RLF: variants seen among roughly 807,000 people sequenced by gnomAD.
RLF encodes RLF zinc finger.
A neutral mutation model predicts 162.9 loss-of-function variants in RLF; 7 were observed. The ratio of observed to expected loss-of-function variants is 0.04; its 90% CI spans 0.02 to 0.08. The LOEUF is 0.08. Among genes scored for constraint, RLF ranks in the 10% least tolerant of loss-of-function variants. The pLI is 1.00. For missense variants in RLF, 1,664 were observed against 2,244.7 expected, an observed-to-expected ratio of 0.74 and a Z score of 5.23; for synonymous variants, 782 against 791.5, an observed-to-expected ratio of 0.99 and a Z score of 0.20.
chr1:40,191,888 G>A (rs1015522772), intron 3 of RLF, among the ~76,000 whole-genome samples: 2 of 152,194 alleles, frequency 1.3e-5, no homozygotes, highest in African/African-American at 4.8e-5. Flanking sequence ...GGGGAGACAG[G>A]TGAAGAGAGG....
At chr1:40,190,946 C>G in intron 3 of RLF, 93 bp downstream of exon 3, 1 of 678,232 alleles carries the variant, frequency 1.5e-6, no homozygotes, top group Non-Finnish European at 2.5e-6. Context: ...AGAACAAAAA[C>G]AAGTTTATTA....
chr1:40,233,877 G>C (rs1643184631), intron 7 of RLF, among the ~76,000 whole-genome samples: 1 of 152,174 alleles, frequency 6.6e-6, no homozygotes, highest in Non-Finnish European at 1.5e-5. Context: ...TGGAGTCTCA[G>C]TTTGCAAGGG....
chr1:40,173,894 A>G (rs980990971), intron 1 of RLF, among the ~76,000 whole-genome samples: 1 of 152,236 alleles, frequency 6.6e-6, no homozygotes, highest in Non-Finnish European at 1.5e-5. Flanking sequence ...AATTAGAGCT[A>G]TAGCCTAACC....
chr1:40,224,717 T>G (rs528585804), intron 6 of RLF, among the ~76,000 whole-genome samples: 88 of 137,432 alleles, frequency 6.4e-4, no homozygotes, highest in African/African-American at 2.2e-3. Flanking sequence ...TGGCCAGGCA[T>G]GGCTCATGCC....
intron 1 of RLF, among the ~76,000 whole-genome samples, chr1:40,162,214 T>G (rs1400112380): frequency 1.3e-5 from 2 of 151,972 alleles, no homozygotes; most frequent in Non-Finnish European, 2.9e-5. Context: ...AAGCCGTTCT[T>G]TCGTCTTTTC....
chr1:40,217,947 G>GA (rs1642946729), intron 5 of RLF, among the ~76,000 whole-genome samples: 1 of 152,014 alleles, frequency 6.6e-6, no homozygotes, highest in Non-Finnish European at 1.5e-5. Context: ...CATAATACTG[G>GA]AAAAAAATTC....
rs1642083867 is a variant in RLF at position 40,161,532 on chromosome 1, G to A, written c.133G>A (p.Gly45Arg). 3.7e-6 allele frequency: 6 copies of A among 1,606,744 alleles called. No individual in the cohort carries two copies. In the African/African-American group the frequency reaches 4.0e-5, roughly 11 times the overall value. ...TCATCGCCCCGTATCTCCAGCGCCG[G>A]GAGCCTCGGGACTGCGGCCGTGTCT... is the stretch of plus-strand genomic sequence containing the variant. ...RGHRPVSPAP[G>R]ASGLRPCLWQ... The change falls in exon 1 of 8, where the codon GGA becomes AGA. Residue 45 changes from glycine (G) to arginine (R), a missense_variant. This residue lies in a region of RLF where 134 missense variants were observed against 124.3 expected (regional missense o/e 1.08). Coordinates refer to ENST00000372771, the MANE Select transcript of RLF (RefSeq NM_012421.4). This position sits in a 1 kb window ranked among gnomAD's most constrained non-coding sequence, Gnocchi z 4.4.
intron 1 of RLF, among the ~76,000 whole-genome samples, chr1:40,180,047 C>T (rs371438003): frequency 8.5e-5 from 13 of 152,284 alleles, no homozygotes; most frequent in African/African-American, 2.6e-4. Context: ...GCTGTGAACA[C>T]GCGTGTACAA....
intron 1 of RLF, among the ~76,000 whole-genome samples, chr1:40,188,241 C>T (rs749549096): frequency 1.4e-4 from 21 of 152,250 alleles, no homozygotes; most frequent in South Asian, 4.1e-4. Context: ...CAACACTGTC[C>T]AGGGAGAACA....
intron 6 of RLF, among the ~76,000 whole-genome samples, chr1:40,226,704 T>C (rs1274622803): frequency 6.6e-6 from 1 of 152,154 alleles, no homozygotes; most frequent in Admixed American, 6.6e-5. Flanking sequence ...TGTAATAGCC[T>C]TTTTTAGGGG....
chr1:40,213,073 A>G (rs748425461), intron 5 of RLF, among the ~76,000 whole-genome samples: 6 of 152,198 alleles, frequency 3.9e-5, no homozygotes, highest in Admixed American at 6.5e-5. Context: ...TAATACTTCT[A>G]CTTTATCCTT....
At chr1:40,233,094 CAAA>C (rs778637305) in intron 7 of RLF, among the ~76,000 whole-genome samples, 8 of 77,366 alleles carry the variant, frequency 1.0e-4, no homozygotes, top group Non-Finnish European at 1.5e-4. Flanking sequence ...GACTCTGTCT[CAAA>C]AAAAAAAAAA....
At chr1:40,217,431 A>T (rs1489653431) in intron 5 of RLF, among the ~76,000 whole-genome samples, 1 of 152,006 alleles carries the variant, frequency 6.6e-6, no homozygotes, top group Non-Finnish European at 1.5e-5. Context: ...CCATCGTACC[A>T]CTACACTCTA....
chr1:40,234,042 A>T (rs1250837812), intron 7 of RLF, among the ~76,000 whole-genome samples: 1 of 152,094 alleles, frequency 6.6e-6, no homozygotes, highest in African/African-American at 2.4e-5. Context: ...TCCGCTTCCC[A>T]GGTTCAAGGG....
At chr1:40,192,997 TA>T (rs1309050411) in intron 3 of RLF, among the ~76,000 whole-genome samples, 2 of 152,134 alleles carry the variant, frequency 1.3e-5, no homozygotes, top group Admixed American at 6.5e-5. Flanking sequence ...ATTGCATATG[TA>T]GATCTCCTGT....
intron 1 of RLF, among the ~76,000 whole-genome samples, chr1:40,176,978 T>G (rs1287838450): frequency 6.6e-6 from 1 of 151,832 alleles, no homozygotes; most frequent in African/African-American, 2.4e-5. Flanking sequence ...TATTTATTTC[T>G]TTTTTTAATT....
At chr1:40,189,022 T>C in intron 1 of RLF, 33 bp from the exon 2 acceptor site, 1 of 1,396,540 alleles carries the variant, frequency 7.2e-7, no homozygotes, top group Non-Finnish European at 9.8e-7. Context: ...TCATTATTTT[T>C]ATTTGTAAAT....
chr1:40,169,285 C>A (rs1260306228), intron 1 of RLF, among the ~76,000 whole-genome samples: 1 of 151,852 alleles, frequency 6.6e-6, no homozygotes. Flanking sequence ...ATCAGAATTT[C>A]CTAAACTGTG....
At chr1:40,191,403 T>A (rs868374889) in intron 3 of RLF, among the ~76,000 whole-genome samples, 2 of 152,252 alleles carry the variant, frequency 1.3e-5, no homozygotes, top group Non-Finnish European at 1.5e-5. Context: ...CCGGGCATGG[T>A]GGCGGACACC....
Sources: allele counts gnomAD v4.1 joint callset (sites outside exome capture counted in the v4.1 genomes callset), GRCh38; gene constraint gnomAD v4.1.1; regional missense constraint gnomAD v4.1.1; non-coding constraint Gnocchi (gnomAD v3.1); transcripts MANE v1.5; gene names NCBI Gene and HGNC (gene_info 2026-07-23, HGNC 2026-07-21).